Variants in KCNH8 observed in about 807,000 individuals in gnomAD.
KCNH8 encodes voltage-gated delayed rectifier potassium channel KCNH8.
KCNH8 carries 70 observed loss-of-function variants against 103.6 expected under a neutral mutation model. That is an observed-to-expected ratio of 0.68 (90% confidence interval 0.56 to 0.82). The LOEUF is 0.82. Among genes scored for constraint, KCNH8 ranks in the 40% least tolerant of loss-of-function variants. The probability of loss-of-function intolerance (pLI) is 0.00; values close to 1 mark genes in which losing one functional copy is unlikely to be tolerated. For synonymous variants in KCNH8, 498 were observed against 489.4 expected (o/e 1.02, Z -0.23); for missense variants, 1,217 against 1,329.9 (o/e 0.92, Z 1.32).
chr3:19,498,488 C>T (rs777036187), intron 11 of KCNH8, among the ~76,000 whole-genome samples: 3 of 152,192 alleles, frequency 2.0e-5, no homozygotes, highest in African/African-American at 4.8e-5. Flanking sequence ...GATCTTATTT[C>T]TCCTCCACTT....
chr3:19,492,448 T>TA (rs1491063330), intron 11 of KCNH8, among the ~76,000 whole-genome samples: 3 of 152,164 alleles, frequency 2.0e-5, no homozygotes, highest in African/African-American at 7.2e-5. Context: ...TCCCATTACT[T>TA]ATGTTTGTCG....
rs202229251 is a variant in KCNH8 at position 19,510,419 on chromosome 3, C to G, written c.2079+18C>G. ...TCTCACAGGTATGGCTTTTGCTACACAGCAAAATATTTATCTAAAATCTGG... is the reference window on the plus strand; with the variant it reads ...TCTCACAGGTATGGCTTTTGCTACAGAGCAAAATATTTATCTAAAATCTGG... On this transcript the variant is annotated intron_variant, in intron 12 of 15. Coordinates refer to ENST00000328405, the MANE Select transcript of KCNH8 (RefSeq NM_144633.3). 32 of 1,468,666 alleles carry G rather than the reference C, an allele frequency of 2.2e-5. No homozygotes were observed. The East Asian group carries it at 7.2e-4, about 33-fold the overall frequency. The allele number at this position is 1,468,666 out of a possible 1,614,324, so 91.0% of individuals were successfully genotyped here. A position where few individuals can be genotyped will look rare whatever the true frequency, so the allele number is the denominator to read the frequency against.
chr3:19,509,271 AT>A (rs2068745103), intron 11 of KCNH8, among the ~76,000 whole-genome samples: 1 of 152,212 alleles, frequency 6.6e-6, no homozygotes, highest in Non-Finnish European at 1.5e-5. Flanking sequence ...TTGTATAAAT[AT>A]AACAGATCTA....
chr3:19,445,773 T>A (rs1351098104), intron 8 of KCNH8, among the ~76,000 whole-genome samples: 1 of 151,918 alleles, frequency 6.6e-6, no homozygotes, highest in African/African-American at 2.4e-5. Flanking sequence ...TATCATAGAT[T>A]TTCTAAACCA....
At chr3:19,342,197 A>G (rs2065669574) in intron 3 of KCNH8, among the ~76,000 whole-genome samples, 1 of 152,150 alleles carries the variant, frequency 6.6e-6, no homozygotes, top group Non-Finnish European at 1.5e-5. Flanking sequence ...TGCAGAGAAA[A>G]AATAATTGTA....
chr3:19,375,150 C>T (rs1324985003), intron 5 of KCNH8, among the ~76,000 whole-genome samples: 1 of 151,840 alleles, frequency 6.6e-6, no homozygotes, highest in Admixed American at 6.6e-5. Context: ...TGAACGTTGG[C>T]CTGCCTTGCT....
At chr3:19,400,264 A>C (rs114034856) in intron 7 of KCNH8, among the ~76,000 whole-genome samples, 1,996 of 148,840 alleles carry the variant, frequency 0.013, 47 homozygotes, top group African/African-American at 0.046. Flanking sequence ...AAGCATCATA[A>C]TGTCAGACAG....
chr3:19,172,634 A>T (rs1287379132), intron 1 of KCNH8, among the ~76,000 whole-genome samples: 1 of 152,192 alleles, frequency 6.6e-6, no homozygotes, highest in African/African-American at 2.4e-5. Context: ...ACATAACCTC[A>T]TTTAATCCAC....
intron 5 of KCNH8, among the ~76,000 whole-genome samples, chr3:19,352,144 A>G (rs182503184): frequency 1.3e-5 from 2 of 152,258 alleles, no homozygotes; most frequent in Admixed American, 6.5e-5. Flanking sequence ...CAAGGCCATT[A>G]CATAATGGTA....
intron 1 of KCNH8, among the ~76,000 whole-genome samples, chr3:19,214,128 C>A (rs1470870115): frequency 6.6e-6 from 1 of 152,228 alleles, no homozygotes; most frequent in Non-Finnish European, 1.5e-5. Context: ...CAGACCACCT[C>A]TGGCCTGGCC....
intron 7 of KCNH8, among the ~76,000 whole-genome samples, chr3:19,404,307 A>C (rs2125141953): frequency 6.6e-6 from 1 of 151,936 alleles, no homozygotes; most frequent in East Asian, 1.9e-4. Flanking sequence ...TCATCTTCCT[A>C]GTCTCATTTT....
intron 7 of KCNH8, among the ~76,000 whole-genome samples, chr3:19,409,621 C>A (rs1399371763): frequency 2.0e-5 from 3 of 151,960 alleles, no homozygotes; most frequent in Non-Finnish European, 4.4e-5. Flanking sequence ...TTTTAGGGAT[C>A]TGTTTCACAC....
chr3:19,333,329 C>T (rs772381103), intron 3 of KCNH8, among the ~76,000 whole-genome samples: 7 of 152,116 alleles, frequency 4.6e-5, no homozygotes, highest in Non-Finnish European at 8.8e-5. Context: ...TTTGAAGCTT[C>T]CATATACTAT....
chr3:19,407,057 A>G (rs1484725182), intron 7 of KCNH8, among the ~76,000 whole-genome samples: 1 of 152,142 alleles, frequency 6.6e-6, no homozygotes, highest in African/African-American at 2.4e-5. Flanking sequence ...GGCTTTTATG[A>G]CTTCTGACCC....
intron 4 of KCNH8, among the ~76,000 whole-genome samples, chr3:19,344,045 G>A (rs1307566972): frequency 6.7e-6 from 1 of 150,100 alleles, no homozygotes; most frequent in Non-Finnish European, 1.5e-5. Context: ...CTGTGCCTTA[G>A]TGTTATATTG....
intron 11 of KCNH8, among the ~76,000 whole-genome samples, chr3:19,478,752 G>C (rs1001580215): frequency 2.6e-5 from 4 of 152,024 alleles, no homozygotes; most frequent in African/African-American, 9.7e-5. Context: ...TGTAAGACTA[G>C]TTCTAGCCAC....
intron 5 of KCNH8, among the ~76,000 whole-genome samples, chr3:19,381,838 T>C (rs2066292598): frequency 6.6e-6 from 1 of 152,170 alleles, no homozygotes; most frequent in African/African-American, 2.4e-5. Flanking sequence ...TAAACTAGAA[T>C]ATATACATAA....
At chr3:19,284,542 T>A (rs1575494684) in intron 3 of KCNH8, among the ~76,000 whole-genome samples, 1 of 147,436 alleles carries the variant, frequency 6.8e-6, no homozygotes, top group East Asian at 2.0e-4. Flanking sequence ...TGTGTGTGTG[T>A]GTGTGTGTGT....
chr3:19,503,137 C>G (rs1365023665), intron 11 of KCNH8, among the ~76,000 whole-genome samples: 10 of 151,012 alleles, frequency 6.6e-5, no homozygotes, highest in African/African-American at 2.4e-4. Context: ...AGACACTTCT[C>G]AAAAGAAGAC....
Sources: allele counts gnomAD v4.1 joint callset (sites outside exome capture counted in the v4.1 genomes callset), GRCh38; gene constraint gnomAD v4.1.1; transcripts MANE v1.5; gene names NCBI Gene and HGNC (gene_info 2026-07-23, HGNC 2026-07-21).